AGBL1: variants seen among roughly 807,000 people sequenced by gnomAD.
The protein encoded by AGBL1 is cytosolic carboxypeptidase 4.
AGBL1 carries 130 observed loss-of-function variants against 118.9 expected under a neutral mutation model. That is an observed-to-expected ratio of 1.09 (90% CI 0.95 to 1.26). The LOEUF is 1.26. Ranked by LOEUF, AGBL1 falls within the 50% of genes most tolerant of loss-of-function variation. AGBL1 has a pLI of 0.00. For synonymous variants in AGBL1, 555 were observed against 478.9 expected (o/e 1.16, Z -2.08); for missense variants, 1,584 against 1,298.1 (o/e 1.22, Z -3.38).
At chr15:86,186,245 G>A (rs773335935) in intron 5 of AGBL1, among the ~76,000 whole-genome samples, 3 of 152,026 alleles carry the variant, frequency 2.0e-5, no homozygotes, top group Non-Finnish European at 4.4e-5. Context: ...GGGGAGGGAG[G>A]GTATCAGGAT....
At chr15:86,608,810 C>A (rs1208529267) in intron 21 of AGBL1, among the ~76,000 whole-genome samples, 1 of 152,122 alleles carries the variant, frequency 6.6e-6, no homozygotes, top group Non-Finnish European at 1.5e-5. Context: ...AATGTAAAAT[C>A]TCCTAATTTT....
chr15:86,448,051 G>A (rs532518535), intron 18 of AGBL1, among the ~76,000 whole-genome samples: 1 of 152,170 alleles, frequency 6.6e-6, no homozygotes, highest in East Asian at 1.9e-4. Flanking sequence ...AGGGTGTGGT[G>A]GGAGGGTCAC....
chr15:86,890,065 C>T (rs2141554517), intron 22 of AGBL1, among the ~76,000 whole-genome samples: 1 of 152,200 alleles, frequency 6.6e-6, no homozygotes, highest in South Asian at 2.1e-4. Context: ...TCTGTTGTTA[C>T]TGGACTTTTT....
chr15:86,626,648 T>C (rs1415300229), intron 21 of AGBL1, among the ~76,000 whole-genome samples: 1 of 152,018 alleles, frequency 6.6e-6, no homozygotes, highest in East Asian at 1.9e-4. Flanking sequence ...CCCCTGAACT[T>C]AAAACTTGTT....
At chr15:86,674,609 C>T (rs2085805329) in intron 22 of AGBL1, among the ~76,000 whole-genome samples, 173 bp downstream of exon 22, 1 of 152,082 alleles carries the variant, frequency 6.6e-6, no homozygotes, top group Non-Finnish European at 1.5e-5. Flanking sequence ...AAAGAGGATG[C>T]TGCCTGTTTG....
chr15:86,371,879 G>A lies in AGBL1; in HGVS notation c.2375-25487G>A, dbSNP rs28689532. On this transcript the variant is annotated intron_variant, in intron 17 of 22. Coordinates refer to ENST00000614907, the MANE Select transcript of AGBL1 (RefSeq NM_001386094.1). ...GTAACGTAGTAGAGAGTGGCTGCTT[G>A]TAGGGGGGAGGTGAGGTGTGCAGAG... Among the ~76,000 whole-genome samples the A allele has an allele frequency of 4.0e-3, 612 of 152,282 alleles. 1 individual carries two copies. The highest frequency in any genetic ancestry group is 0.014 in the African/African-American group (593 of 41,550).
intron 23 of AGBL1, among the ~76,000 whole-genome samples, chr15:86,958,710 A>G (rs1183291291): frequency 6.6e-6 from 1 of 152,178 alleles, no homozygotes; most frequent in Non-Finnish European, 1.5e-5. Context: ...GAAAAATTTC[A>G]CAAATGTATT....
At chr15:86,700,961 T>C (rs1385897965) in intron 22 of AGBL1, among the ~76,000 whole-genome samples, 1 of 152,116 alleles carries the variant, frequency 6.6e-6, no homozygotes, top group East Asian at 1.9e-4. Flanking sequence ...ATGCTGTGAA[T>C]CTGAGCATCC....
At chr15:86,556,144 GA>G in intron 21 of AGBL1, 1 of 1,225,164 alleles carries the variant, frequency 8.2e-7, no homozygotes, top group Non-Finnish European at 1.2e-6. Flanking sequence ...AAATCAGCTG[GA>G]AACTCAAAGT....
chr15:86,845,244 A>C (rs2079302049), intron 22 of AGBL1, among the ~76,000 whole-genome samples: 1 of 152,110 alleles, frequency 6.6e-6, no homozygotes, highest in Non-Finnish European at 1.5e-5. Flanking sequence ...AGTTTGAGGA[A>C]AATTGTCATC....
At chr15:86,799,620 A>T (rs544117081) in intron 22 of AGBL1, among the ~76,000 whole-genome samples, 1 of 152,224 alleles carries the variant, frequency 6.6e-6, no homozygotes, top group African/African-American at 2.4e-5. Context: ...TGCTCTAAGG[A>T]TTCCCGCATC....
intron 22 of AGBL1, among the ~76,000 whole-genome samples, chr15:86,869,355 G>A (rs534428584): frequency 6.6e-6 from 1 of 152,196 alleles, no homozygotes; most frequent in East Asian, 1.9e-4. Context: ...CCAGCTGCAG[G>A]TCTCTCCTCC....
At chr15:86,947,679 G>A (rs1465996262) in intron 23 of AGBL1, among the ~76,000 whole-genome samples, 2 of 152,212 alleles carry the variant, frequency 1.3e-5, no homozygotes, top group Non-Finnish European at 2.9e-5. Context: ...TAGGCATTGA[G>A]TGAGATCCAG....
At chr15:86,093,259 T>TG (rs1390935311) in intron 1 of AGBL1, among the ~76,000 whole-genome samples, 2 of 152,160 alleles carry the variant, frequency 1.3e-5, no homozygotes, top group Non-Finnish European at 2.9e-5. Flanking sequence ...CTTGAAAAGG[T>TG]GGTCTCAGCT....
At chr15:86,375,058 TC>T (rs2081022953) in intron 17 of AGBL1, among the ~76,000 whole-genome samples, 1 of 152,222 alleles carries the variant, frequency 6.6e-6, no homozygotes, top group South Asian at 2.1e-4. Context: ...CCTTCTCTAC[TC>T]AGCCACTTGG....
At chr15:86,351,795 C>T (rs1312896267) in intron 17 of AGBL1, among the ~76,000 whole-genome samples, 2 of 152,160 alleles carry the variant, frequency 1.3e-5, no homozygotes, top group African/African-American at 2.4e-5. Context: ...TCACCTTCTG[C>T]CTTCTCTACA....
At position 86,834,712 on chromosome 15, in the gene AGBL1, G is replaced by A. The variant is rs79077439; in HGVS notation, c.3159-72375G>A. 1.6e-4 allele frequency among the ~76,000 whole-genome samples: 25 copies of A among 152,214 alleles called. 1 individual carries two copies. The East Asian group carries it at 4.9e-3, about 30-fold the overall frequency. ...AGGGAGCCAACTCGGCATGGACTTT[G>A]ACCCACTTCACATGGATACAACCCA... On this transcript the variant is annotated intron_variant, in intron 22 of 22. Coordinates refer to ENST00000614907, the MANE Select transcript of AGBL1 (RefSeq NM_001386094.1).
chr15:86,617,513 G>A lies in AGBL1; in HGVS notation c.2995-56760G>A, dbSNP rs543201377. On this transcript the variant is annotated intron_variant, in intron 21 of 22. Coordinates refer to ENST00000614907, the MANE Select transcript of AGBL1 (RefSeq NM_001386094.1). ...TCAATTGTATGTATGTAAATATTCT[G>A]TAATTTATGATGAGTTCTGACAATT... Among the ~76,000 whole-genome samples, 7 of 152,224 alleles carry A rather than the reference G, an allele frequency of 4.6e-5. No homozygotes were observed. In the East Asian group the frequency reaches 1.2e-3, roughly 25 times the overall value.
At chr15:86,372,219 A>G (rs1480046638) in intron 17 of AGBL1, among the ~76,000 whole-genome samples, 4 of 152,184 alleles carry the variant, frequency 2.6e-5, no homozygotes, top group Non-Finnish European at 4.4e-5. Flanking sequence ...GAATGTCCCA[A>G]TTCAGCCAAG....
Sources: gnomAD v4.1 joint callset for allele counts (sites outside exome capture counted in the v4.1 genomes callset) on GRCh38, gnomAD v4.1.1 for gene constraint, MANE v1.5 for transcripts, NCBI Gene and HGNC (gene_info 2026-07-23, HGNC 2026-07-21) for gene names.